Variants in ST6GALNAC3 observed in about 807,000 individuals in gnomAD.
The protein encoded by ST6GALNAC3 is alpha-N-acetylgalactosaminide alpha-2,6-sialyltransferase 3.
A neutral mutation model predicts 32.7 loss-of-function variants in ST6GALNAC3; 25 were observed. That is an observed-to-expected ratio of 0.76 (90% CI 0.56 to 1.07). The LOEUF (loss-of-function observed/expected upper bound fraction) is 1.07. Ranked by LOEUF, ST6GALNAC3 falls within the 50% of genes least tolerant of loss-of-function variation. ST6GALNAC3 has a pLI of 0.00. For missense variants in ST6GALNAC3, 355 were observed against 382.4 expected, an observed-to-expected ratio of 0.93 and a Z score of 0.60; for synonymous variants, 129 against 133.1, an observed-to-expected ratio of 0.97 and a Z score of 0.21.
chr1:76,629,713 T>C lies in ST6GALNAC3; in HGVS notation c.*907T>C, dbSNP rs1198868780. ...GCTTCAACATCCAACAACACAAAAC[T>C]ATATGATTTTTAAAATCATGAAATA... On this transcript the variant is annotated 3_prime_UTR_variant, in exon 5 of 5. Transcript: ENST00000328299. 6 of 984,766 alleles carry C rather than the reference T, an allele frequency of 6.1e-6. No individual in the cohort carries two copies. The highest frequency in any genetic ancestry group is 6.2e-5 in the Admixed American group (1 of 16,220). The allele number at this position is 984,766 out of a possible 1,614,324, so 61.0% of individuals were successfully genotyped here.
intron 1 of ST6GALNAC3, among the ~76,000 whole-genome samples, chr1:76,138,685 T>C (rs1231307248): frequency 6.6e-6 from 1 of 152,200 alleles, no homozygotes; most frequent in African/African-American, 2.4e-5. Context: ...TCATATCTTT[T>C]TGTATGTTTC....
At position 76,211,006 on chromosome 1, in the gene ST6GALNAC3, G is replaced by A. The variant is rs1013700188; in HGVS notation, c.19-102799G>A. Among the ~76,000 whole-genome samples, 60 of 152,188 alleles carry A rather than the reference G, an allele frequency of 3.9e-4. 2 individuals are homozygous for A. The highest frequency in any genetic ancestry group is 1.3e-4 in the Non-Finnish European group (9 of 68,040). On this transcript the variant is annotated intron_variant, in intron 1 of 4. Transcript: ENST00000328299. ...CCCAGAATGCTGGGATTACAGGCATGAGCCATTGCACCCGGCCTCTCTTCC... is the reference window on the plus strand; with the variant it reads ...CCCAGAATGCTGGGATTACAGGCATAAGCCATTGCACCCGGCCTCTCTTCC...
At chr1:76,193,026 T>A (rs533065923) in intron 1 of ST6GALNAC3, among the ~76,000 whole-genome samples, 1 of 152,320 alleles carries the variant, frequency 6.6e-6, no homozygotes, top group Non-Finnish European at 1.5e-5. Flanking sequence ...GACATTTATA[T>A]AAAAGCCAGA....
intron 1 of ST6GALNAC3, among the ~76,000 whole-genome samples, chr1:76,100,486 A>G (rs916407154): frequency 3.9e-5 from 6 of 152,190 alleles, no homozygotes; most frequent in African/African-American, 1.4e-4. Context: ...AATGTAATGA[A>G]TATTTGTAAA....
chr1:76,164,731 ATAATCT>A (rs1349670155), intron 1 of ST6GALNAC3, among the ~76,000 whole-genome samples: 3 of 152,212 alleles, frequency 2.0e-5, no homozygotes, highest in Non-Finnish European at 2.9e-5. Context: ...AATTGCTATC[ATAATCT>A]TAAAGATAAA....
chr1:76,075,790 C>T (rs1280268169), intron 1 of ST6GALNAC3, among the ~76,000 whole-genome samples: 1 of 152,074 alleles, frequency 6.6e-6, no homozygotes, highest in Non-Finnish European at 1.5e-5. Flanking sequence ...TGAAAGTTTC[C>T]TGGGCCTTGA....
rs1259362471 is a variant in ST6GALNAC3 at position 76,098,423 on chromosome 1, TC to T, written c.18+23541del. 4.6e-5 allele frequency among the ~76,000 whole-genome samples: 7 copies of T among 152,216 alleles called. No individual in the cohort carries two copies. The East Asian group carries it at 1.3e-3, about 29-fold the overall frequency. The stretch of plus-strand genomic sequence containing the variant: ...CTTCCACCAGAAGTATCACAGAAGT[TC>T]CTTTTGCTTCTGGACAACAATTGGT... On this transcript the variant is annotated intron_variant, in intron 1 of 4. Coordinates refer to ENST00000328299, the MANE Select transcript of ST6GALNAC3 (RefSeq NM_152996.4).
chr1:76,217,116 A>T (rs1271327762), intron 1 of ST6GALNAC3, among the ~76,000 whole-genome samples: 37 of 152,206 alleles, frequency 2.4e-4, no homozygotes, highest in Non-Finnish European at 2.9e-5. Flanking sequence ...TGAAATCATA[A>T]TAGTACCCTC....
intron 1 of ST6GALNAC3, among the ~76,000 whole-genome samples, chr1:76,193,620 A>T (rs1654031891): frequency 1.3e-5 from 2 of 152,240 alleles, no homozygotes; most frequent in Non-Finnish European, 2.9e-5. Flanking sequence ...ACTAGTGGAG[A>T]ATATTTGTTG....
rs560456987 is a variant in ST6GALNAC3 at position 76,516,459 on chromosome 1, A to G, written c.623+104042A>G. Reference sequence around the variant, plus strand: ...ATATACTTTTTTGCTATTAATGAGTATATATGTCTTTCGTATAAATGCAAG... The same window carrying G: ...ATATACTTTTTTGCTATTAATGAGTGTATATGTCTTTCGTATAAATGCAAG... On this transcript the variant is annotated intron_variant, in intron 3 of 4. Coordinates refer to ENST00000328299, the MANE Select transcript of ST6GALNAC3 (RefSeq NM_152996.4). Among the ~76,000 whole-genome samples, 28 of 152,252 alleles carry G rather than the reference A, an allele frequency of 1.8e-4. No homozygotes were observed. The East Asian group carries it at 5.2e-3, about 28-fold the overall frequency.
At chr1:76,559,740 A>C (rs77340012) in intron 3 of ST6GALNAC3, among the ~76,000 whole-genome samples, 1 of 152,174 alleles carries the variant, frequency 6.6e-6, no homozygotes, top group Non-Finnish European at 1.5e-5. Flanking sequence ...TTTTAACTTC[A>C]TATCAATGCA....
chr1:76,231,369 A>G (rs1424134200), intron 1 of ST6GALNAC3, among the ~76,000 whole-genome samples: 1 of 152,172 alleles, frequency 6.6e-6, no homozygotes, highest in African/African-American at 2.4e-5. Context: ...AAAATTTACC[A>G]TGTTAACTAT....
At chr1:76,349,708 C>G (rs1381529385) in intron 2 of ST6GALNAC3, among the ~76,000 whole-genome samples, 1 of 152,164 alleles carries the variant, frequency 6.6e-6, no homozygotes, top group African/African-American at 2.4e-5. Flanking sequence ...ATTGACTCCT[C>G]TCTATAAAAA....
intron 3 of ST6GALNAC3, among the ~76,000 whole-genome samples, chr1:76,444,111 T>C (rs1040149475): frequency 6.6e-6 from 1 of 152,190 alleles, no homozygotes; most frequent in Non-Finnish European, 1.5e-5. Flanking sequence ...GTCAACTACC[T>C]GGCTTTACTG....
At chr1:76,298,135 CAT>C (rs141024035) in intron 1 of ST6GALNAC3, among the ~76,000 whole-genome samples, 4,670 of 152,042 alleles carry the variant, frequency 0.031, 102 homozygotes, top group Non-Finnish European at 0.05. Flanking sequence ...GCTTTTATAA[CAT>C]GTTAAGACAC....
chr1:76,091,087 T>A (rs1281556627), intron 1 of ST6GALNAC3, among the ~76,000 whole-genome samples: 1 of 152,172 alleles, frequency 6.6e-6, no homozygotes, highest in Non-Finnish European at 1.5e-5. Context: ...GTGTCATATT[T>A]AAGGCACATG....
At chr1:76,174,663 C>CTTTTTTTTTTTT (rs59269306) in intron 1 of ST6GALNAC3, among the ~76,000 whole-genome samples, 68 of 140,054 alleles carry the variant, frequency 4.9e-4, no homozygotes, top group South Asian at 8.9e-4. Flanking sequence ...TTTTTCTTTT[C>CTTTTTTTTTTTT]TTTTTTTTTT....
At chr1:76,358,073 C>G (rs577780493) in intron 2 of ST6GALNAC3, among the ~76,000 whole-genome samples, 9 of 152,160 alleles carry the variant, frequency 5.9e-5, no homozygotes, top group Non-Finnish European at 1.3e-4. Context: ...TTTAAAAAAC[C>G]ATTTTCTCCC....
intron 3 of ST6GALNAC3, among the ~76,000 whole-genome samples, chr1:76,578,561 G>A (rs886082769): frequency 3.3e-5 from 5 of 151,984 alleles, no homozygotes; most frequent in Non-Finnish European, 7.4e-5. Flanking sequence ...CAGTATTAAA[G>A]ATTAGCCCTA....
Sources: allele counts gnomAD v4.1 joint callset (sites outside exome capture counted in the v4.1 genomes callset), GRCh38; gene constraint gnomAD v4.1.1; transcripts MANE v1.5; gene names NCBI Gene and HGNC (gene_info 2026-07-23, HGNC 2026-07-21).